The following NEURL4 variants were observed in gnomAD, a reference collection of about 807,000 sequenced individuals.
NEURL4 encodes the protein neuralized E3 ubiquitin protein ligase 4.
Under a neutral mutation model 148.0 loss-of-function variants are expected in NEURL4, and 45 were observed. The observed-to-expected ratio is 0.30, with a 90% CI of 0.24 to 0.39. The LOEUF (loss-of-function observed/expected upper bound fraction) is 0.39. NEURL4 is among the 10% of genes least tolerant of loss of function. The pLI is 1.00. For missense variants in NEURL4, 1,776 were observed against 2,144.0 expected (o/e 0.83, Z 3.39); for synonymous variants, 854 against 869.0 (o/e 0.98, Z 0.30).
chr17:7,320,715 C>A lies in NEURL4; in HGVS notation c.3525+44G>T. On this transcript the variant is annotated intron_variant, in intron 21 of 28. Transcript: ENST00000399464. ...TTTTTCAGGGGGGTTGGCCATGGGT[C>A]ACTGTGGAGCGAGAGAAGCTGGGGA... 1.9e-6 allele frequency: 3 copies of A among 1,578,116 alleles called. No individual in the cohort carries two copies. In the South Asian group the frequency reaches 3.4e-5, roughly 18 times the overall value.
rs7216490 is a variant in NEURL4 at position 7,318,388 on chromosome 17, G to T, written c.3865-32C>A. ...GGGAGAGGGTAGTCAGACAGAGCTT[G>T]GTCAGACCCCAGGGCCTGCTGATCC... On this transcript the variant is annotated intron_variant, in intron 23 of 28. Transcript: ENST00000399464. The surrounding 1 kb of genome is among the most constrained non-coding windows in gnomAD (Gnocchi z 4.3). The T allele has an allele frequency of 0.54, 864,388 of 1,612,308 alleles. 234,992 individuals are homozygous for T. Among genetic ancestry groups the T allele is most frequent in the East Asian group, 0.67 (30,073 of 44,842 alleles).
Position 7,327,294 on chromosome 17 carries a change from G to A in NEURL4, c.728-64C>T. On this transcript the variant is annotated intron_variant, in intron 2 of 28. Transcript: ENST00000399464. The surrounding 1 kb of genome is among the most constrained non-coding windows in gnomAD (Gnocchi z 6.6). ...GTCCCTGCTTCACGGCCCATAGCCAGGAGAACCCCCCATCCTCTAGCTCCT... is the reference window on the plus strand; with the variant it reads ...GTCCCTGCTTCACGGCCCATAGCCAAGAGAACCCCCCATCCTCTAGCTCCT... The A allele has an allele frequency of 1.3e-6, 2 of 1,502,708 alleles. No individual in the cohort carries two copies. Among genetic ancestry groups the A allele is most frequent in the Admixed American group, 2.2e-5 (1 of 45,960 alleles). The allele number at this position is 1,502,708 out of a possible 1,614,324, so 93.1% of individuals were successfully genotyped here. A position where few individuals can be genotyped will look rare whatever the true frequency, so the allele number is the denominator to read the frequency against.
At chr17:7,317,176 A>G (rs1332666177) in intron 28 of NEURL4, 29 bp downstream of exon 28, 1 of 1,450,164 alleles carries the variant, frequency 6.9e-7, no homozygotes. Context: ...AGCCCCTGGA[A>G]ATCTCTCCCC....
Position 7,322,289 on chromosome 17 carries a change from C to CT in NEURL4, c.2726-280dup, listed in dbSNP as rs1246990502. ...CCTCCCACCTCAGCCTCTCAAGTAGCTGGGACCACAGGTGCATGCCACCAC... is the reference window on the plus strand; with the variant it reads ...CCTCCCACCTCAGCCTCTCAAGTAGCTTGGGACCACAGGTGCATGCCACCAC... On this transcript the variant is annotated intron_variant, in intron 16 of 28. Coordinates refer to ENST00000399464, the MANE Select transcript of NEURL4 (RefSeq NM_032442.3). The surrounding 1 kb of genome is among the most constrained non-coding windows in gnomAD (Gnocchi z 5.5). Among the ~76,000 whole-genome samples the CT allele has an allele frequency of 6.6e-6, 1 of 152,158 alleles. No individual in the cohort carries two copies. The highest frequency in any genetic ancestry group is 2.4e-5 in the African/African-American group (1 of 41,416).
At position 7,326,756 on chromosome 17, in the gene NEURL4, C is replaced by A. The variant is rs1298823358; in HGVS notation, c.1047G>T (p.Gly349=). ...GAAGGGGGCGATTGGTCATGACAAC[C>A]CCATTGTTGAATTCATCCAGGGGCC... ...RRRPLDEFNN[G]VVMTNRPLRD... is the part of the protein sequence containing the mutation. The change falls in exon 4 of 29, where the codon GGG becomes GGT. Residue 349 remains glycine, a synonymous_variant. Transcript: ENST00000399464. This position sits in a 1 kb window ranked among gnomAD's most constrained non-coding sequence, Gnocchi z 6.0. 3 of 1,613,106 alleles carry A rather than the reference C, an allele frequency of 1.9e-6. No individual in the cohort carries two copies. The highest frequency in any genetic ancestry group is 2.5e-6 in the Non-Finnish European group (3 of 1,179,828).
chr17:7,319,660 A>G lies in NEURL4; in HGVS notation c.3526-452T>C, dbSNP rs933145938. Among the ~76,000 whole-genome samples the G allele has an allele frequency of 8.5e-4, 125 of 146,446 alleles. 1 individual carries two copies. Among genetic ancestry groups the G allele is most frequent in the African/African-American group, 2.9e-3 (119 of 40,752 alleles). On this transcript the variant is annotated intron_variant, in intron 21 of 28. Transcript: ENST00000399464. ...GGTTGCGGTGAGCCGAGATCATACC[A>G]TTGCACTCTAGCCTGGGCGACAAGA...
rs970336638 is a variant in NEURL4, at chr17:7,322,063, G to A, written c.2726-53C>T. The A allele has an allele frequency of 2.6e-6, 4 of 1,533,746 alleles. No individual in the cohort carries two copies. Among genetic ancestry groups the A allele is most frequent in the Non-Finnish European group, 3.5e-6 (4 of 1,145,966 alleles). ...GGTAGGATTGGGGCAGCGAGCTTCAGGCAGAACACAGAGCAAAGCTTTCAG... is the reference window on the plus strand; with the variant it reads ...GGTAGGATTGGGGCAGCGAGCTTCAAGCAGAACACAGAGCAAAGCTTTCAG... On this transcript the variant is annotated intron_variant, in intron 16 of 28. Coordinates refer to ENST00000399464, the MANE Select transcript of NEURL4 (RefSeq NM_032442.3). The surrounding 1 kb of genome is among the most constrained non-coding windows in gnomAD (Gnocchi z 5.5).
In NEURL4 at chr17:7,321,949, ATCC is replaced by A; in HGVS notation, c.2784_2786del (p.Glu928del). The A allele has an allele frequency of 1.2e-6, 2 of 1,613,786 alleles. No individual in the cohort carries two copies. Among genetic ancestry groups the A allele is most frequent in the African/African-American group, 1.3e-5 (1 of 75,046 alleles). On this transcript the variant is annotated inframe_deletion, in exon 17 of 29. Coordinates refer to ENST00000399464, the MANE Select transcript of NEURL4 (RefSeq NM_032442.3). This position sits in a 1 kb window ranked among gnomAD's most constrained non-coding sequence, Gnocchi z 6.3. ...CAGCGGCACGCACTGCCCTCGTGCCATCCTCCTCTAGAGTGACGTTCTTGCCGC... is the reference window on the plus strand; with the variant it reads ...CAGCGGCACGCACTGCCCTCGTGCCATCCTCTAGAGTGACGTTCTTGCCGC...
Position 7,325,645 on chromosome 17 carries a change from A to G in NEURL4, c.1362T>C (p.Asp454=). 1 of 1,613,670 alleles carries G rather than the reference A, an allele frequency of 6.2e-7. No homozygotes were observed. The highest frequency in any genetic ancestry group is 8.5e-7 in the Non-Finnish European group (1 of 1,179,866). The change falls in exon 7 of 29, where the codon GAT becomes GAC. Residue 454 remains aspartate, a synonymous_variant. Coordinates refer to ENST00000399464, the MANE Select transcript of NEURL4 (RefSeq NM_032442.3). ...CTCTCTCTGGGCGGCCCTTACCCTG[A>G]TCGATACCATTAATGAAGAAGTGTA... The part of the protein sequence containing the change: ...SALHFFINGI[D]QGVATPLTPP...
In NEURL4 at chr17:7,323,043, CGT is replaced by C; in HGVS notation, c.2496_2497del (p.Arg833HisfsTer31). 2 of 1,613,748 alleles carry C rather than the reference CGT, an allele frequency of 1.2e-6. No individual in the cohort carries two copies. Among genetic ancestry groups the C allele is most frequent in the Non-Finnish European group, 1.7e-6 (2 of 1,179,988 alleles). On this transcript the variant is annotated frameshift_variant, in exon 15 of 29. Coordinates refer to ENST00000399464, the MANE Select transcript of NEURL4 (RefSeq NM_032442.3). LOFTEE classifies it high-confidence loss of function. Reference sequence around the variant, plus strand: ...CTTGGCAGTTCGCATCATGCCAATGCGTGCACCTGTGCCCAGCGCATCCAGGT... The same window carrying C: ...CTTGGCAGTTCGCATCATGCCAATGCGCACCTGTGCCCAGCGCATCCAGGT...
chr17:7,322,910 C>T lies in NEURL4; in HGVS notation c.2593+38G>A. On this transcript the variant is annotated intron_variant, in intron 15 of 28. Transcript: ENST00000399464. The surrounding 1 kb of genome is among the most constrained non-coding windows in gnomAD (Gnocchi z 5.5). ...GTCAGAAGCCTGACAGCCAGGTGGT[C>T]TGGGCTGAGGGTGGCAGGCTGAAAG... 6.2e-7 allele frequency: 1 copy of T among 1,611,222 alleles called. No individual in the cohort carries two copies. The highest frequency in any genetic ancestry group is 8.5e-7 in the Non-Finnish European group (1 of 1,177,580).
At chr17:7,325,599 C>T (rs2073094069) in intron 7 of NEURL4, 42 bp downstream of exon 7, 1 of 1,603,238 alleles carries the variant, frequency 6.2e-7, no homozygotes, top group Non-Finnish European at 8.5e-7. Flanking sequence ...CCCAGCCCCA[C>T]CGAAAGCCCC....
In NEURL4 at chr17:7,323,625, AAC is replaced by A. The variant is rs1175503676; in HGVS notation, c.2338+20_2338+21del. The A allele has an allele frequency of 6.2e-7, 1 of 1,613,746 alleles. No homozygotes were observed. Among genetic ancestry groups the A allele is most frequent in the South Asian group, 1.1e-5 (1 of 91,026 alleles). ...AAGGCACAGACATCCAACAGCCCCC[AAC>A]ACACACAGACGGCCCTCACCAGCCT... On this transcript the variant is annotated intron_variant, in intron 13 of 28. Transcript: ENST00000399464.
Position 7,325,223 on chromosome 17 carries a change from A to G in NEURL4, c.1617T>C (p.Thr539=), listed in dbSNP as rs1184147391. 3 of 1,424,208 alleles carry G rather than the reference A, an allele frequency of 2.1e-6. No homozygotes were observed. The highest frequency in any genetic ancestry group is 2.8e-6 in the Non-Finnish European group (3 of 1,068,852). The allele number at this position is 1,424,208 out of a possible 1,614,324, so 88.2% of individuals were successfully genotyped here. A position where few individuals can be genotyped will look rare whatever the true frequency, so the allele number is the denominator to read the frequency against. The change falls in exon 8 of 29, where the codon ACT becomes ACC. Residue 539 remains threonine (T), a synonymous_variant. Coordinates refer to ENST00000399464, the MANE Select transcript of NEURL4 (RefSeq NM_032442.3). ...QKAAITHEGR[T]ALRPHATDDF... is the part of the protein sequence containing the mutation. ...ATGGGCCATACTGGGGCCTCAGGGC[A>G]GTGCGTCCCTCGTGGGTGATGGCTG...
Position 7,324,612 on chromosome 17 carries a change from G to C in NEURL4, c.1814-132C>G. ...TCTTTGATGACTAGATTTCTTCCCTGAGCAGGACAAGAAAACTCTGCAGCT... is the reference window on the plus strand; with the variant it reads ...TCTTTGATGACTAGATTTCTTCCCTCAGCAGGACAAGAAAACTCTGCAGCT... On this transcript the variant is annotated intron_variant, in intron 9 of 28. Coordinates refer to ENST00000399464, the MANE Select transcript of NEURL4 (RefSeq NM_032442.3). The surrounding 1 kb of genome is among the most constrained non-coding windows in gnomAD (Gnocchi z 5.9). 9.3e-7 allele frequency: 1 copy of C among 1,080,948 alleles called. No individual in the cohort carries two copies. Among genetic ancestry groups the C allele is most frequent in the Non-Finnish European group, 1.4e-6 (1 of 733,280 alleles). 67.0% of individuals were successfully genotyped at this position (1,080,948 alleles called of 1,614,324 possible). A position where few individuals can be genotyped will look rare whatever the true frequency, so the allele number is the denominator to read the frequency against.
rs146086800 is a variant in NEURL4, at chr17:7,318,270, G to A, written c.3951C>T (p.Asp1317=). The change falls in exon 24 of 29, where the codon GAC becomes GAT. Residue 1317 remains aspartate, a splice_region_variant and synonymous_variant. Coordinates refer to ENST00000399464, the MANE Select transcript of NEURL4 (RefSeq NM_032442.3). The surrounding 1 kb of genome is among the most constrained non-coding windows in gnomAD (Gnocchi z 4.3). ...QGDMEKADMV[D]GIKESVCWGP... is the part of the protein sequence containing the mutation. Reference sequence around the variant, plus strand: ...CTGGGTCCCTTTGGGCTGGCACACCGTCCACCATGTCTGCTTTCTCCATGT... The same window carrying A: ...CTGGGTCCCTTTGGGCTGGCACACCATCCACCATGTCTGCTTTCTCCATGT... 2.0e-5 allele frequency: 33 copies of A among 1,613,950 alleles called. No individual in the cohort carries two copies. The highest frequency in any genetic ancestry group is 3.3e-5 in the South Asian group (3 of 91,082).
Position 7,316,331 on chromosome 17 carries a change from T to G in NEURL4, c.4485-4A>C, listed in dbSNP as rs2072944401. The G allele has an allele frequency of 1.2e-6, 2 of 1,611,010 alleles. No individual in the cohort carries two copies. Among genetic ancestry groups the G allele is most frequent in the Non-Finnish European group, 1.7e-6 (2 of 1,178,954 alleles). Reference sequence around the variant, plus strand: ...CTGGGATTTGGGGTCCCGGAATCTGTCAGACAAGAAAAAATAAGGGAGTGA... The same window carrying G: ...CTGGGATTTGGGGTCCCGGAATCTGGCAGACAAGAAAAAATAAGGGAGTGA... On this transcript the variant is annotated splice_region_variant and splice_polypyrimidine_tract_variant and intron_variant, in intron 28 of 28. Coordinates refer to ENST00000399464, the MANE Select transcript of NEURL4 (RefSeq NM_032442.3).
chr17:7,317,800 C>G lies in NEURL4; in HGVS notation c.4193G>C (p.Arg1398Thr). The G allele has an allele frequency of 6.2e-7, 1 of 1,613,646 alleles. No homozygotes were observed. Among genetic ancestry groups the G allele is most frequent in the Non-Finnish European group, 8.5e-7 (1 of 1,180,040 alleles). Reference protein sequence around the residue: ...REYALPFGWCRFNLRVNPRLE... With the variant: ...REYALPFGWCTFNLRVNPRLE... Reference sequence around the variant, plus strand: ...TGCCCATATGTACCTGAGGTTGAACCTGCACCAGCCAAAGGGCAGTGCATA... The same window carrying G: ...TGCCCATATGTACCTGAGGTTGAACGTGCACCAGCCAAAGGGCAGTGCATA... The change falls in exon 26 of 29, where the codon AGG becomes ACG. Residue 1398 changes from arginine to threonine, a missense_variant. Transcript: ENST00000399464.
rs762320658 is a variant in NEURL4 at position 7,326,789 on chromosome 17, C to T, written c.1014G>A (p.Glu338=). Residue 338 remains glutamate (E), a synonymous_variant, in exon 4 of 29, where the codon GAG becomes GAA. Transcript: ENST00000399464. The surrounding 1 kb of genome is among the most constrained non-coding windows in gnomAD (Gnocchi z 6.0). ...IKLSNNNKTA[E]RRRPLDEFNN... is the part of the protein sequence containing the mutation. ...TGAATTCATCCAGGGGCCGCCGGCG[C>T]TCAGCCGTCTTATTATTGTTGCTGA... 65 of 1,613,250 alleles carry T rather than the reference C, an allele frequency of 4.0e-5. No homozygotes were observed. The highest frequency in any genetic ancestry group is 5.3e-5 in the Non-Finnish European group (63 of 1,179,854).
Sources: gnomAD v4.1 joint callset for allele counts (sites outside exome capture counted in the v4.1 genomes callset) on GRCh38, gnomAD v4.1.1 for gene constraint, Gnocchi (gnomAD v3.1) non-coding constraint, MANE v1.5 for transcripts, NCBI Gene and HGNC (gene_info 2026-07-23, HGNC 2026-07-21) for gene names.